The following NELL1 variants were observed in gnomAD, a reference collection of about 807,000 sequenced individuals.
NELL1 encodes the protein neural EGFL like 1.
Under a neutral mutation model 107.4 loss-of-function variants are expected in NELL1, and 76 were observed. The ratio of observed to expected loss-of-function variants is 0.71; its 90% CI spans 0.59 to 0.86. The LOEUF (loss-of-function observed/expected upper bound fraction) is 0.86. NELL1 is among the 40% of genes least tolerant of loss of function. The pLI is 0.00. For missense variants in NELL1, 1,024 were observed against 1,005.5 expected (o/e 1.02, Z -0.25); for synonymous variants, 353 against 341.2 (o/e 1.03, Z -0.38).
At chr11:21,069,124 C>T (rs76863810) in intron 12 of NELL1, among the ~76,000 whole-genome samples, 3,889 of 152,092 alleles carry the variant, frequency 0.026, 114 homozygotes, top group South Asian at 0.13. Context: ...CCATTTGGCA[C>T]GAACAGAAGG....
chr11:20,782,290 G>A (rs1322900032), intron 2 of NELL1, among the ~76,000 whole-genome samples: 2 of 152,160 alleles, frequency 1.3e-5, no homozygotes, highest in African/African-American at 4.8e-5. Flanking sequence ...TATTGTGCAG[G>A]TAGGTTTTAT....
intron 3 of NELL1, among the ~76,000 whole-genome samples, chr11:20,818,096 A>G (rs1349313828): frequency 1.3e-5 from 2 of 152,152 alleles, no homozygotes; most frequent in Non-Finnish European, 2.9e-5. Context: ...ATAGATGTCT[A>G]TTAGTTTCAA....
intron 2 of NELL1, among the ~76,000 whole-genome samples, chr11:20,722,211 T>A: frequency 6.6e-6 from 1 of 151,804 alleles, no homozygotes; most frequent in South Asian, 2.1e-4. Context: ...AGTAGAGACG[T>A]GATTTTGCTG....
At position 20,699,339 on chromosome 11, in the gene NELL1, A is replaced by G. The variant is rs539865261; in HGVS notation, c.184+21279A>G. On this transcript the variant is annotated intron_variant, in intron 2 of 19. Coordinates refer to ENST00000357134, the MANE Select transcript of NELL1 (RefSeq NM_006157.5). The stretch of plus-strand genomic sequence containing the variant: ...CTGAGTAGTATTCCAAGGTATATAT[A>G]TGTATACACCACATTTTCTTTTTCT... Among the ~76,000 whole-genome samples the G allele has an allele frequency of 9.9e-5, 15 of 152,138 alleles. No homozygotes were observed. In the South Asian group the frequency reaches 3.1e-3, roughly 32 times the overall value.
In NELL1 at chr11:21,367,630, C is replaced by T. The variant is rs149207727; in HGVS notation, c.1550-3223C>T. The stretch of plus-strand genomic sequence containing the variant: ...TAAATAACAACAATCACATCCAGTT[C>T]GTGAGCACATTCCATTGGCTGTGCC... On this transcript the variant is annotated intron_variant, in intron 14 of 19. Coordinates refer to ENST00000357134, the MANE Select transcript of NELL1 (RefSeq NM_006157.5). Among the ~76,000 whole-genome samples the T allele has an allele frequency of 6.3e-3, 952 of 152,152 alleles. 7 individuals are homozygous for T. The highest frequency in any genetic ancestry group is 0.02 in the African/African-American group (811 of 41,528).
At chr11:21,339,403 C>A (rs1850511913) in intron 14 of NELL1, among the ~76,000 whole-genome samples, 1 of 152,160 alleles carries the variant, frequency 6.6e-6, no homozygotes, top group African/African-American at 2.4e-5. Context: ...AGAGCACTGA[C>A]AACAGCTTGA....
At chr11:21,218,757 A>G (rs1267019256) in intron 13 of NELL1, among the ~76,000 whole-genome samples, 2 of 152,140 alleles carry the variant, frequency 1.3e-5, no homozygotes, top group African/African-American at 2.4e-5. Flanking sequence ...CTTTCTGTGC[A>G]TGACTTATTT....
At chr11:21,356,110 C>A (rs981024739) in intron 14 of NELL1, among the ~76,000 whole-genome samples, 2 of 152,166 alleles carry the variant, frequency 1.3e-5, no homozygotes, top group Non-Finnish European at 2.9e-5. Context: ...TTTCTCCTAT[C>A]ACTTGCTATC....
intron 2 of NELL1, among the ~76,000 whole-genome samples, chr11:20,729,704 A>G (rs762224758): frequency 1.3e-5 from 2 of 152,084 alleles, no homozygotes; most frequent in Non-Finnish European, 2.9e-5. Flanking sequence ...ACCTATCTCC[A>G]TGGTTAAAGA....
At chr11:21,332,019 T>A (rs1333889543) in intron 14 of NELL1, among the ~76,000 whole-genome samples, 1 of 151,790 alleles carries the variant, frequency 6.6e-6, no homozygotes, top group East Asian at 1.9e-4. Context: ...GACTTTACCC[T>A]AGGGCTCAGT....
intron 13 of NELL1, among the ~76,000 whole-genome samples, chr11:21,224,610 G>A (rs1857846407): frequency 6.6e-6 from 1 of 152,010 alleles, no homozygotes; most frequent in Non-Finnish European, 1.5e-5. Context: ...TTTACTTAAT[G>A]GTGGCCCATA....
intron 15 of NELL1, among the ~76,000 whole-genome samples, chr11:21,413,626 C>T (rs902830224): frequency 2.0e-5 from 3 of 152,052 alleles, no homozygotes; most frequent in African/African-American, 7.2e-5. Context: ...GCTTCAGGTT[C>T]TGTCCTTATT....
intron 12 of NELL1, among the ~76,000 whole-genome samples, chr11:21,086,150 G>A (rs567964587): frequency 6.6e-6 from 1 of 152,172 alleles, no homozygotes; most frequent in Non-Finnish European, 1.5e-5. Context: ...GTAGGCAGGG[G>A]CTGTGTCATA....
intron 12 of NELL1, among the ~76,000 whole-genome samples, chr11:21,002,292 A>AAGAGTT (rs1852239262): frequency 2.0e-5 from 1 of 50,156 alleles, no homozygotes; most frequent in Admixed American, 1.8e-4. Flanking sequence ...AATATATTAT[A>AAGAGTT]ACAGTTACCT....
At chr11:21,210,457 G>C (rs927408841) in intron 13 of NELL1, among the ~76,000 whole-genome samples, 4 of 152,166 alleles carry the variant, frequency 2.6e-5, no homozygotes, top group Non-Finnish European at 5.9e-5. Context: ...TTGTGGCTTT[G>C]CATTAGATTT....
chr11:21,439,889 C>T (rs1853233859), intron 15 of NELL1, among the ~76,000 whole-genome samples: 1 of 152,116 alleles, frequency 6.6e-6, no homozygotes, highest in African/African-American at 2.4e-5. Context: ...CATTGCTTAG[C>T]TGCCTCACTA....
intron 4 of NELL1, among the ~76,000 whole-genome samples, chr11:20,882,346 A>AC (rs1196334047): frequency 6.6e-6 from 1 of 152,172 alleles, no homozygotes; most frequent in African/African-American, 2.4e-5. Context: ...AATCGATAAC[A>AC]TTGTTTTGCA....
At chr11:21,148,936 CTTTG>C (rs1336622102) in intron 13 of NELL1, among the ~76,000 whole-genome samples, 2 of 152,082 alleles carry the variant, frequency 1.3e-5, no homozygotes, top group Non-Finnish European at 2.9e-5. Context: ...CTCATTGATA[CTTTG>C]TTTATCTATT....
intron 12 of NELL1, among the ~76,000 whole-genome samples, chr11:21,067,390 A>G (rs1410422853): frequency 6.6e-6 from 1 of 152,134 alleles, no homozygotes; most frequent in East Asian, 1.9e-4. Context: ...ATTTTAAAGT[A>G]GTGTTCAAAA....
Sources: allele counts gnomAD v4.1 joint callset (sites outside exome capture counted in the v4.1 genomes callset), GRCh38; gene constraint gnomAD v4.1.1; transcripts MANE v1.5; gene names NCBI Gene and HGNC (gene_info 2026-07-23, HGNC 2026-07-21).